The following SOX6 variants were observed in gnomAD, a reference collection of about 807,000 sequenced individuals.
The protein encoded by SOX6 is transcription factor SOX-6.
Under a neutral mutation model 97.8 loss-of-function variants are expected in SOX6, and 11 were observed. The ratio of observed to expected loss-of-function variants is 0.11; its 90% confidence interval spans 0.07 to 0.19. SOX6 has a LOEUF of 0.19. Ranked by LOEUF, SOX6 falls within the 10% of genes least tolerant of loss-of-function variation. The pLI, the probability that SOX6 is intolerant of heterozygous loss-of-function variation, is 1.00. For synonymous variants in SOX6, 360 were observed against 371.4 expected (o/e 0.97, Z 0.35); for missense variants, 810 against 1,039.5 (o/e 0.78, Z 3.04).
chr11:16,549,934 G>T (rs1377422181), intron 4 of SOX6, among the ~76,000 whole-genome samples: 2 of 152,044 alleles, frequency 1.3e-5, no homozygotes, highest in East Asian at 1.9e-4. Flanking sequence ...GGTTGTCAGG[G>T]GTATGAGTGA....
chr11:16,581,422 G>A (rs2133967138), intron 4 of SOX6, among the ~76,000 whole-genome samples: 1 of 152,234 alleles, frequency 6.6e-6, no homozygotes, highest in Non-Finnish European at 1.5e-5. Flanking sequence ...GACACAGGGA[G>A]AGGAACAACA....
At chr11:16,619,870 T>G (rs1309083155) in intron 3 of SOX6, among the ~76,000 whole-genome samples, 3 of 152,150 alleles carry the variant, frequency 2.0e-5, no homozygotes, top group Non-Finnish European at 4.4e-5. Context: ...ATATTATTAT[T>G]GAAATTGAAT....
At chr11:16,264,850 C>CCA (rs1554950837) in intron 3 of SOX6, 1 of 133,234 alleles carries the variant, frequency 7.5e-6, no homozygotes. Flanking sequence ...TACCCTCCTG[C>CCA]AAAAAAAAAA....
intron 3 of SOX6, among the ~76,000 whole-genome samples, chr11:16,660,550 T>G (rs1315031315): frequency 6.6e-6 from 1 of 152,246 alleles, no homozygotes; most frequent in African/African-American, 2.4e-5. Context: ...TTGAGAAGAA[T>G]GCATACTTTG....
intron 12 of SOX6, 130 bp downstream of exon 12, chr11:16,046,384 G>C: frequency 1.1e-6 from 1 of 925,702 alleles, no homozygotes; most frequent in South Asian, 1.3e-5. Context: ...TTTCAGTAAA[G>C]TACAAGACAG....
chr11:16,455,004 G>A (rs893465579), intron 1 of SOX6, among the ~76,000 whole-genome samples: 1 of 151,798 alleles, frequency 6.6e-6, no homozygotes, highest in Non-Finnish European at 1.5e-5. Context: ...TTACTTACGG[G>A]TCAAAAGGAG....
chr11:16,279,782 T>C (rs1371038431), intron 3 of SOX6, among the ~76,000 whole-genome samples: 3 of 152,086 alleles, frequency 2.0e-5, no homozygotes, highest in East Asian at 1.9e-4. Context: ...TTTTTGAAAA[T>C]CAACTTTTTC....
intron 3 of SOX6, among the ~76,000 whole-genome samples, chr11:16,665,527 A>G (rs1427817413): frequency 6.6e-6 from 1 of 152,188 alleles, no homozygotes; most frequent in East Asian, 1.9e-4. Flanking sequence ...ATAGTAGAGT[A>G]CAGCACCAGG....
intron 6 of SOX6, among the ~76,000 whole-genome samples, chr11:16,174,875 A>G (rs1319253100): frequency 3.3e-5 from 5 of 152,040 alleles, no homozygotes; most frequent in Non-Finnish European, 7.4e-5. Flanking sequence ...ATCTAATAGC[A>G]AAGCCCATTT....
intron 3 of SOX6, among the ~76,000 whole-genome samples, chr11:16,709,227 G>A (rs1405776914): frequency 6.6e-6 from 1 of 152,086 alleles, no homozygotes. Context: ...TTAAAGGTGT[G>A]TGGCACCTGG....
chr11:16,520,329 A>G (rs1439153109), intron 4 of SOX6, among the ~76,000 whole-genome samples: 1 of 152,238 alleles, frequency 6.6e-6, no homozygotes, highest in African/African-American at 2.4e-5. Context: ...TTATAGATTC[A>G]GGTCTTATAG....
chr11:16,114,964 C>T (rs373087168), intron 6 of SOX6, among the ~76,000 whole-genome samples: 4 of 152,240 alleles, frequency 2.6e-5, no homozygotes, highest in South Asian at 4.2e-4. Flanking sequence ...TAACCAAACT[C>T]TCGGGTTCAT....
intron 3 of SOX6, among the ~76,000 whole-genome samples, chr11:16,242,606 C>G (rs1853227323): frequency 6.6e-6 from 1 of 150,884 alleles, no homozygotes; most frequent in South Asian, 2.1e-4. Context: ...AGAAAACACA[C>G]CAGAAATTAA....
At chr11:16,649,143 A>G (rs1331031348) in intron 3 of SOX6, among the ~76,000 whole-genome samples, 1 of 152,220 alleles carries the variant, frequency 6.6e-6, no homozygotes, top group East Asian at 1.9e-4. Flanking sequence ...AAACCTAAGA[A>G]TAATTGGTAT....
intron 3 of SOX6, among the ~76,000 whole-genome samples, chr11:16,620,756 G>A (rs1848534991): frequency 6.6e-6 from 1 of 152,106 alleles, no homozygotes; most frequent in Admixed American, 6.5e-5. Flanking sequence ...ATAGAAAAAT[G>A]AAGTACCAAC....
chr11:16,615,529 A>G (rs942440457), intron 3 of SOX6, among the ~76,000 whole-genome samples: 2 of 152,212 alleles, frequency 1.3e-5, no homozygotes, highest in African/African-American at 4.8e-5. Context: ...ATTCTACAAC[A>G]TAGGAGTTGT....
chr11:16,599,387 AG>A (rs1848244130), intron 4 of SOX6, among the ~76,000 whole-genome samples: 1 of 152,220 alleles, frequency 6.6e-6, no homozygotes, highest in Non-Finnish European at 1.5e-5. Context: ...TATACAGCAC[AG>A]GACTACCAAT....
intron 12 of SOX6, among the ~76,000 whole-genome samples, chr11:16,017,250 A>G (rs545306797): frequency 6.6e-6 from 1 of 151,946 alleles, no homozygotes; most frequent in Non-Finnish European, 1.5e-5. Context: ...GAAGTCATAC[A>G]TTTTTCTAAC....
intron 1 of SOX6, among the ~76,000 whole-genome samples, chr11:16,456,531 T>C (rs1369847323): frequency 6.6e-6 from 1 of 152,128 alleles, no homozygotes; most frequent in Non-Finnish European, 1.5e-5. Flanking sequence ...AAGGAGCAGA[T>C]GAAGTCAGGT....
Sources: gnomAD v4.1 joint callset for allele counts (sites outside exome capture counted in the v4.1 genomes callset) on GRCh38, gnomAD v4.1.1 for gene constraint, MANE v1.5 for transcripts, NCBI Gene and HGNC (gene_info 2026-07-23, HGNC 2026-07-21) for gene names.